Variants in ROBO2 observed in about 807,000 individuals in gnomAD.
ROBO2 encodes the protein roundabout guidance receptor 2, also known as roundabout homolog 2.
ROBO2 carries 53 observed loss-of-function variants against 160.8 expected under a neutral mutation model. That is an observed-to-expected ratio of 0.33 (90% CI 0.26 to 0.41). The LOEUF is 0.41. ROBO2 is among the 10% of genes least tolerant of loss of function. The pLI, the probability that ROBO2 is intolerant of heterozygous loss-of-function variation, is 1.00. For missense variants in ROBO2, 1,577 were observed against 1,722.4 expected (o/e 0.92, Z 1.49); for synonymous variants, 664 against 611.7 (o/e 1.09, Z -1.26).
At chr3:77,494,581 G>GA (rs1411527627) in intron 5 of ROBO2, among the ~76,000 whole-genome samples, 3 of 151,916 alleles carry the variant, frequency 2.0e-5, no homozygotes, top group East Asian at 3.9e-4. Context: ...GTCTGAAAAA[G>GA]AAAAAACAAA....
intron 2 of ROBO2, among the ~76,000 whole-genome samples, chr3:76,516,164 A>G (rs1024823717): frequency 6.6e-6 from 1 of 152,166 alleles, no homozygotes; most frequent in African/African-American, 2.4e-5. Context: ...GATTTGTTAC[A>G]ATCTTGATTT....
At position 77,617,569 on chromosome 3, in the gene ROBO2, G is replaced by A; in HGVS notation, c.3350G>A (p.Gly1117Asp). ...CCAGTACAAACTTACTTACACCAAGGTCTGGAAGATGAACTGGAAGAAGAT... is the reference window on the plus strand; with the variant it reads ...CCAGTACAAACTTACTTACACCAAGATCTGGAAGATGAACTGGAAGAAGAT... The change falls in exon 22 of 26, where the codon GGT (glycine) becomes GAT (aspartate). Residue 1117 changes from glycine to aspartate, a missense_variant. Transcript: ENST00000461745. The A allele has an allele frequency of 4.3e-6, 7 of 1,614,148 alleles. No individual in the cohort carries two copies. The highest frequency in any genetic ancestry group is 5.9e-6 in the Non-Finnish European group (7 of 1,180,014).
intron 2 of ROBO2, among the ~76,000 whole-genome samples, chr3:77,438,169 G>A (rs79519639): frequency 0.041 from 6,087 of 148,784 alleles, 164 homozygotes; most frequent in Non-Finnish European, 0.062. Flanking sequence ...TGTCTCTCTC[G>A]GCCTCTAGAT....
At chr3:76,006,506 C>G (rs1164569557) in intron 2 of ROBO2, among the ~76,000 whole-genome samples, 7 of 152,168 alleles carry the variant, frequency 4.6e-5, no homozygotes, top group Non-Finnish European at 1.0e-4. Context: ...ACTGATTCAT[C>G]TAGCTATTTA....
intron 2 of ROBO2, among the ~76,000 whole-genome samples, chr3:76,397,058 A>C (rs1277491875): frequency 1.3e-5 from 2 of 152,272 alleles, no homozygotes; most frequent in East Asian, 1.9e-4. Flanking sequence ...GCATCACGCT[A>C]CCTGACTTCA....
chr3:76,051,083 C>T (rs1419661538), intron 2 of ROBO2, among the ~76,000 whole-genome samples: 1 of 151,986 alleles, frequency 6.6e-6, no homozygotes, highest in Non-Finnish European at 1.5e-5. Context: ...ATGAATCTTA[C>T]ACTGTTTGTT....
chr3:76,413,270 G>C (rs1383937643), intron 2 of ROBO2, among the ~76,000 whole-genome samples: 2 of 152,292 alleles, frequency 1.3e-5, no homozygotes, highest in East Asian at 3.9e-4. Flanking sequence ...GACATGGCTT[G>C]GAGATATTTT....
At chr3:76,170,987 A>G (rs762549106) in intron 2 of ROBO2, among the ~76,000 whole-genome samples, 1 of 152,108 alleles carries the variant, frequency 6.6e-6, no homozygotes, top group Non-Finnish European at 1.5e-5. Flanking sequence ...CATTTATTAC[A>G]CATTAAAACC....
intron 2 of ROBO2, among the ~76,000 whole-genome samples, chr3:76,135,377 A>AAT (rs773581198): frequency 6.6e-6 from 1 of 152,168 alleles, no homozygotes; most frequent in Admixed American, 6.5e-5. Flanking sequence ...GCCACTATGC[A>AAT]ATGCCCTCTC....
intron 2 of ROBO2, among the ~76,000 whole-genome samples, chr3:76,788,956 A>G (rs2063171725): frequency 6.6e-6 from 1 of 151,514 alleles, no homozygotes; most frequent in Non-Finnish European, 1.5e-5. Flanking sequence ...ACTGTTGGTA[A>G]TCCTTAAATA....
At chr3:76,000,170 T>A (rs2065842030) in intron 2 of ROBO2, among the ~76,000 whole-genome samples, 1 of 152,152 alleles carries the variant, frequency 6.6e-6, no homozygotes, top group Admixed American at 6.6e-5. Flanking sequence ...CTTGATACTC[T>A]AGTCATAATC....
At chr3:77,410,431 A>G (rs986830041) in intron 2 of ROBO2, among the ~76,000 whole-genome samples, 4 of 151,980 alleles carry the variant, frequency 2.6e-5, no homozygotes, top group African/African-American at 9.7e-5. Flanking sequence ...ATTACACACA[A>G]CAAAGTGTTC....
In ROBO2 at chr3:76,557,169, A is replaced by C. The variant is rs145872888; in HGVS notation, c.110-540845A>C. Among the ~76,000 whole-genome samples the C allele has an allele frequency of 4.9e-4, 74 of 152,148 alleles. No homozygotes were observed. The East Asian group carries it at 0.014, about 28-fold the overall frequency. On this transcript the variant is annotated intron_variant, in intron 2 of 26. Transcript: ENST00000487694. ...CTGTGTGTCTGAAGCTGCTCACTCT[A>C]TAAGATGTTGCTATTAGCATTCTGT...
At chr3:76,248,174 A>C (rs1203668041) in intron 2 of ROBO2, among the ~76,000 whole-genome samples, 1 of 152,004 alleles carries the variant, frequency 6.6e-6, no homozygotes, top group Non-Finnish European at 1.5e-5. Context: ...TCATGCTGCT[A>C]TAAAGACACA....
intron 2 of ROBO2, among the ~76,000 whole-genome samples, chr3:76,610,438 T>C (rs2088010202): frequency 6.6e-6 from 1 of 152,134 alleles, no homozygotes; most frequent in Non-Finnish European, 1.5e-5. Context: ...GCTTCCACCT[T>C]GGGCGCCAGT....
chr3:76,712,446 G>A (rs2093312747), intron 2 of ROBO2, among the ~76,000 whole-genome samples: 1 of 152,080 alleles, frequency 6.6e-6, no homozygotes, highest in African/African-American at 2.4e-5. Flanking sequence ...AGGCCGAGGT[G>A]GGCGGATCAC....
intron 2 of ROBO2, among the ~76,000 whole-genome samples, chr3:76,819,468 T>C (rs2065938657): frequency 6.6e-6 from 1 of 152,060 alleles, no homozygotes; most frequent in Non-Finnish European, 1.5e-5. Context: ...CTGAGTGCTG[T>C]CCTTTAAAGG....
At chr3:76,061,248 A>G (rs1361267690) in intron 2 of ROBO2, among the ~76,000 whole-genome samples, 1 of 152,230 alleles carries the variant, frequency 6.6e-6, no homozygotes, top group African/African-American at 2.4e-5. Flanking sequence ...AAATTCGGGT[A>G]AAGTGCATGC....
intron 2 of ROBO2, among the ~76,000 whole-genome samples, chr3:76,141,427 C>A (rs962107281): frequency 2.7e-5 from 4 of 149,830 alleles, no homozygotes; most frequent in Non-Finnish European, 4.4e-5. Context: ...GCAGATGTAC[C>A]CACCGAATAT....
Sources: gnomAD v4.1 joint callset for allele counts (sites outside exome capture counted in the v4.1 genomes callset) on GRCh38, gnomAD v4.1.1 for gene constraint, MANE v1.5 for transcripts, NCBI Gene and HGNC (gene_info 2026-07-23, HGNC 2026-07-21) for gene names.